C12orf42: variants seen among roughly 807,000 people sequenced by gnomAD.
C12orf42 encodes chromosome 12 open reading frame 42.
C12orf42 carries 25 observed loss-of-function variants against 21.6 expected under a neutral mutation model. The observed-to-expected ratio is 1.16, with a 90% CI of 0.84 to 1.62. The LOEUF is 1.62. Among genes scored for constraint, C12orf42 ranks in the 40% most tolerant of loss-of-function variants. The pLI is 0.00. For synonymous variants in C12orf42, 174 were observed against 175.0 expected, an observed-to-expected ratio of 0.99 and a Z score of 0.05; for missense variants, 483 against 459.3, an observed-to-expected ratio of 1.05 and a Z score of -0.47.
intron 4 of C12orf42, among the ~76,000 whole-genome samples, chr12:103,330,721 T>C (rs2041173161): frequency 6.6e-6 from 1 of 152,220 alleles, no homozygotes; most frequent in Non-Finnish European, 1.5e-5. Context: ...TCACAACCTA[T>C]ATAATCTTGA....
chr12:103,519,286 T>C, the C12orf42 span, among the ~76,000 whole-genome samples: 3 of 152,120 alleles, frequency 2.0e-5, no homozygotes, highest in Non-Finnish European at 4.4e-5. Context: ...TTTATAGCAG[T>C]ATGAAAATGG....
chr12:103,287,088 A>G lies in C12orf42; in HGVS notation n.338-9878T>C, dbSNP rs1344682649. Among the ~76,000 whole-genome samples the G allele has an allele frequency of 4.6e-5, 7 of 152,136 alleles. No individual in the cohort carries two copies. In the East Asian group the frequency reaches 1.2e-3, roughly 25 times the overall value. Reference sequence around the variant, plus strand: ...GGAGAGGATGTGGAGAAATAGGAACACTTTTACACTGTTGGTGGTACTGTA... The same window carrying G: ...GGAGAGGATGTGGAGAAATAGGAACGCTTTTACACTGTTGGTGGTACTGTA... On this transcript the variant is annotated intron_variant and non_coding_transcript_variant, in intron 4 of 6. Transcript: ENST00000546526.
rs186849951 is a variant in C12orf42 at position 103,484,803 on chromosome 12, A to C, written c.-21-6356T>G. The stretch of plus-strand genomic sequence containing the variant: ...TTTATGGTTTCAGGTCTAACATTTA[A>C]GTCTTTAATCTATCTTGAATTAATT... On this transcript the variant is annotated intron_variant, in intron 1 of 5. Transcript: ENST00000548883. Among the ~76,000 whole-genome samples, 39 of 151,282 alleles carry C rather than the reference A, an allele frequency of 2.6e-4. No individual in the cohort carries two copies. The East Asian group carries it at 7.6e-3, about 29-fold the overall frequency.
the C12orf42 span, among the ~76,000 whole-genome samples, chr12:103,054,299 GTT>G: frequency 6.6e-6 from 1 of 151,796 alleles, no homozygotes; most frequent in African/African-American, 2.4e-5. Flanking sequence ...TACTATACAT[GTT>G]TTATTTGATT....
At chr12:103,308,261 C>T (rs550041643) in intron 4 of C12orf42, among the ~76,000 whole-genome samples, 2 of 152,160 alleles carry the variant, frequency 1.3e-5, no homozygotes, top group South Asian at 4.1e-4. Context: ...TGGAAAAATA[C>T]TTATTATAGT....
chr12:103,507,938 C>T, the C12orf42 span, among the ~76,000 whole-genome samples: 6 of 152,132 alleles, frequency 3.9e-5, no homozygotes, highest in Admixed American at 6.5e-5. Context: ...GCCTCAACCC[C>T]GACTACCGTA....
At chr12:103,375,200 G>A (rs1041239004) in intron 3 of C12orf42, among the ~76,000 whole-genome samples, 1 of 152,044 alleles carries the variant, frequency 6.6e-6, no homozygotes, top group Non-Finnish European at 1.5e-5. Flanking sequence ...AATGTCAGGA[G>A]AAACATAAAA....
the C12orf42 span, among the ~76,000 whole-genome samples, chr12:103,109,383 G>C: frequency 6.6e-6 from 1 of 152,004 alleles, no homozygotes; most frequent in East Asian, 1.9e-4. Context: ...ACATGCCAGA[G>C]CCTGTGTAAA....
At chr12:103,049,542 G>C in the C12orf42 span, among the ~76,000 whole-genome samples, 14 of 152,230 alleles carry the variant, frequency 9.2e-5, no homozygotes, top group African/African-American at 3.4e-4. Context: ...GCGTGTTCCT[G>C]TTTAAATGTA....
chr12:103,300,653 T>TA (rs1227748966), downstream of C12orf42, among the ~76,000 whole-genome samples: 4 of 152,192 alleles, frequency 2.6e-5, no homozygotes, highest in African/African-American at 7.2e-5. Context: ...TGTCTTAAAC[T>TA]AAAAAAATCA....
intron 1 of C12orf42, among the ~76,000 whole-genome samples, chr12:103,495,082 C>T (rs1955432397): frequency 6.6e-6 from 1 of 151,902 alleles, no homozygotes; most frequent in Non-Finnish European, 1.5e-5. Flanking sequence ...GGTGGTAAAT[C>T]CATTCCTCTG....
At chr12:103,481,656 TA>T (rs5800591) in intron 1 of C12orf42, among the ~76,000 whole-genome samples, 122,733 of 150,838 alleles carry the variant, frequency 0.81, 50,017 homozygotes, top group Admixed American at 0.87. Flanking sequence ...CGAGTTACTT[TA>T]AAAAAAAAAT....
chr12:103,238,310 C>T (rs2136158044), intron 10 of C12orf42, among the ~76,000 whole-genome samples: 1 of 152,108 alleles, frequency 6.6e-6, no homozygotes, highest in South Asian at 2.1e-4. Flanking sequence ...ATGACATGGC[C>T]AGCAGAGCCT....
chr12:103,284,345 T>C (rs535933581), intron 4 of C12orf42, among the ~76,000 whole-genome samples: 1 of 152,126 alleles, frequency 6.6e-6, no homozygotes, highest in Non-Finnish European at 1.5e-5. Context: ...AAAAGCAGAA[T>C]GAACTGGAAA....
the C12orf42 span, among the ~76,000 whole-genome samples, chr12:103,560,976 G>C: frequency 6.6e-6 from 1 of 152,084 alleles, no homozygotes; most frequent in African/African-American, 2.4e-5. Context: ...CATCAAATCT[G>C]GCTGACTTGC....
chr12:103,074,545 A>G, the C12orf42 span, among the ~76,000 whole-genome samples: 1 of 152,272 alleles, frequency 6.6e-6, no homozygotes, highest in East Asian at 1.9e-4. Context: ...ACCCCTCCTG[A>G]TTATATGCTA....
At chr12:103,250,103 C>CTATG (rs1311007456) in intron 10 of C12orf42, among the ~76,000 whole-genome samples, 1 of 138,004 alleles carries the variant, frequency 7.2e-6, no homozygotes, top group African/African-American at 2.7e-5. Context: ...ATCTATCTAT[C>CTATG]TATGTTTGAT....
intron 4 of C12orf42, among the ~76,000 whole-genome samples, chr12:103,359,627 G>A (rs547410817): frequency 5.3e-5 from 8 of 152,192 alleles, no homozygotes; most frequent in African/African-American, 1.9e-4. Context: ...ATCAGCATTT[G>A]TCAGGGCTGG....
At chr12:103,519,458 C>T in the C12orf42 span, among the ~76,000 whole-genome samples, 17 of 152,146 alleles carry the variant, frequency 1.1e-4, 1 homozygote, top group South Asian at 3.3e-3. Context: ...GGAATGGAAT[C>T]TTGGTTCAGC....
Sources: gnomAD v4.1 joint callset for allele counts (sites outside exome capture counted in the v4.1 genomes callset) on GRCh38, gnomAD v4.1.1 for gene constraint, MANE v1.5 for transcripts, NCBI Gene and HGNC (gene_info 2026-07-23, HGNC 2026-07-21) for gene names.